OR10A6: variants seen among roughly 807,000 people sequenced by gnomAD.
The protein encoded by OR10A6 is olfactory receptor family 10 subfamily A member 6 (gene/pseudogene).
In OR10A6, 2 loss-of-function variants were observed where a neutral mutation model predicts 1.5. That is an observed-to-expected ratio of 1.31 (90% CI 0.54 to 4.13). The LOEUF (loss-of-function observed/expected upper bound fraction) is 4.13, where lower values mean the gene tolerates loss of function less well. Among genes scored for constraint, OR10A6 ranks in the 30% most tolerant of loss-of-function variants. OR10A6 has a pLI of 0.07. For synonymous variants in OR10A6, 169 were observed against 137.3 expected (o/e 1.23, Z -1.61); for missense variants, 492 against 368.6 (o/e 1.33, Z -2.74).
At position 7,928,775 on chromosome 11, in the gene OR10A6, G is replaced by A; in HGVS notation, c.-113C>T. ...ATTCACCCCAGAAATTCTGGCAGAA[G>A]ATGAGGAGCCTATCCTGACAGAAAT... is the stretch of plus-strand genomic sequence containing the variant. On this transcript the variant is annotated 5_prime_UTR_variant, in exon 4 of 4. Transcript: ENST00000641238. The A allele has an allele frequency of 1.5e-6, 1 of 652,916 alleles. No homozygotes were observed. 40.4% of individuals were successfully genotyped at this position (652,916 alleles called of 1,614,324 possible).
In OR10A6 at chr11:7,929,604, T is replaced by G. The variant is rs975984845; in HGVS notation, c.-942A>C. On this transcript the variant is annotated 5_prime_UTR_variant, in exon 4 of 4. Coordinates refer to ENST00000641238, the MANE Select transcript of OR10A6 (RefSeq NM_001004461.2). Reference sequence around the variant, plus strand: ...ATGAATCCAGAGCTCAACAGAGAGCTAAGCACACTACATAAAATAGCTTCT... The same window carrying G: ...ATGAATCCAGAGCTCAACAGAGAGCGAAGCACACTACATAAAATAGCTTCT... 1.3e-5 allele frequency: 2 copies of G among 151,278 alleles called. No individual in the cohort carries two copies. Among genetic ancestry groups the G allele is most frequent in the African/African-American group, 4.9e-5 (2 of 41,144 alleles). The allele number at this position is 151,278 out of a possible 1,614,324, so 9.4% of individuals were successfully genotyped here. A position where few individuals can be genotyped will look rare whatever the true frequency, so the allele number is the denominator to read the frequency against.
In OR10A6 at chr11:7,928,043, A is replaced by T. The variant is rs752192466; in HGVS notation, c.620T>A (p.Ile207Asn). 6.2e-7 allele frequency: 1 copy of T among 1,613,958 alleles called. No individual in the cohort carries two copies. Among genetic ancestry groups the T allele is most frequent in the South Asian group, 1.1e-5 (1 of 91,082 alleles). ...IYAFTGTFLI[I>N]LVPFLLILLS... ...GAGTATCAACAAGAAAGGAACCAAA[A>T]TAATCAAAAAGGTGCCTGTGAATGC... Residue 207 changes from isoleucine (I) to asparagine (N), a missense_variant, in exon 4 of 4, where the codon ATT becomes AAT. By Grantham distance (149) the Ile-to-Asn change is moderately radical. Transcript: ENST00000641238.
In OR10A6 at chr11:7,928,485, A is replaced by T; in HGVS notation, c.178T>A (p.Tyr60Asn). ...ACAGATAAGTTCAGGAGAAACAGGT[A>T]CATGGGAACGTGGAGGCTCTGGTCT... The part of the protein sequence containing the change: ...SLDQSLHVPM[Y>N]LFLLNLSVVD... The change falls in exon 4 of 4, where the codon TAC becomes AAC. Residue 60 changes from tyrosine to asparagine, a missense_variant. By Grantham distance (143) the Tyr-to-Asn change is moderately radical (BLOSUM62 -2). Transcript: ENST00000641238. 1 of 1,613,944 alleles carries T rather than the reference A, an allele frequency of 6.2e-7. No individual in the cohort carries two copies. Among genetic ancestry groups the T allele is most frequent in the Non-Finnish European group, 8.5e-7 (1 of 1,179,886 alleles).
chr11:7,925,399 T>C lies in OR10A6; in HGVS notation c.*2319A>G, dbSNP rs1422752506. 6.6e-6 allele frequency: 1 copy of C among 152,184 alleles called. No homozygotes were observed. The highest frequency in any genetic ancestry group is 6.5e-5 in the Admixed American group (1 of 15,270). 9.4% of individuals were successfully genotyped at this position (152,184 alleles called of 1,614,324 possible). A position where few individuals can be genotyped will look rare whatever the true frequency, so the allele number is the denominator to read the frequency against. On this transcript the variant is annotated 3_prime_UTR_variant, in exon 4 of 4. Coordinates refer to ENST00000641238, the MANE Select transcript of OR10A6 (RefSeq NM_001004461.2). The stretch of plus-strand genomic sequence containing the variant: ...AGAATTAGAGTGACCTAATTTCTTA[T>C]TGTAATTTCATGAACATCTTGCCAA...
rs1410600842 is a variant in OR10A6 at position 7,927,565 on chromosome 11, T to C, written c.*153A>G. 1 of 559,120 alleles carries C rather than the reference T, an allele frequency of 1.8e-6. No individual in the cohort carries two copies. Among genetic ancestry groups the C allele is most frequent in the South Asian group, 3.0e-5 (1 of 33,240 alleles). 34.6% of individuals were successfully genotyped at this position (559,120 alleles called of 1,614,324 possible). On this transcript the variant is annotated 3_prime_UTR_variant, in exon 4 of 4. Coordinates refer to ENST00000641238, the MANE Select transcript of OR10A6 (RefSeq NM_001004461.2). ...TGAAAAAACTAAAAACATTAACATA[T>C]AAAGATGCTCCTGATATACAATCAA...
At position 7,928,639 on chromosome 11, in the gene OR10A6, A is replaced by G. The variant is rs1239657166; in HGVS notation, c.24T>C (p.Cys8=). MERQNQS[C]VVEFILLGFS... Reference sequence around the variant, plus strand: ...AGCCCAAGAGGATGAATTCAACCACACAGCTTTGATTTTGTCTTTCCATTT... The same window carrying G: ...AGCCCAAGAGGATGAATTCAACCACGCAGCTTTGATTTTGTCTTTCCATTT... Residue 8 remains cysteine (C), a synonymous_variant, in exon 4 of 4, where the codon TGT becomes TGC. Coordinates refer to ENST00000641238, the MANE Select transcript of OR10A6 (RefSeq NM_001004461.2). 1 of 1,605,406 alleles carries G rather than the reference A, an allele frequency of 6.2e-7. No homozygotes were observed. Among genetic ancestry groups the G allele is most frequent in the East Asian group, 2.2e-5 (1 of 44,806 alleles).
In OR10A6 at chr11:7,928,608, T is replaced by C; in HGVS notation, c.55A>G (p.Asn19Asp). 1 of 1,609,938 alleles carries C rather than the reference T, an allele frequency of 6.2e-7. No homozygotes were observed. Among genetic ancestry groups the C allele is most frequent in the Admixed American group, 1.7e-5 (1 of 58,788 alleles). Residue 19 changes from asparagine to aspartate, a missense_variant, in exon 4 of 4, where the codon AAC becomes GAC. By Grantham distance (23) the Asn-to-Asp change is conservative (BLOSUM62 1). Coordinates refer to ENST00000641238, the MANE Select transcript of OR10A6 (RefSeq NM_001004461.2). ...VVEFILLGFS[N>D]YPELQGQLFV... ...AGCTGCCCCTGGAGCTCAGGATAGT[T>C]AGAAAAGCCCAAGAGGATGAATTCA...
chr11:7,929,755 T>TATATATATATATATATATATATACAC lies in OR10A6; in HGVS notation c.-1094_-1093insGTGTATATATATATATATATATATAT, dbSNP rs55811645. The TATATATATATATATATATATATACAC allele has an allele frequency of 1.5e-4, 15 of 97,218 alleles. No homozygotes were observed. Among genetic ancestry groups the TATATATATATATATATATATATACAC allele is most frequent in the South Asian group, 3.2e-4 (1 of 3,090 alleles). 6.0% of individuals were successfully genotyped at this position (97,218 alleles called of 1,614,324 possible). On this transcript the variant is annotated 5_prime_UTR_variant, in exon 4 of 4. The change abolishes the stop of an existing upstream ORF in the 5' untranslated region. Transcript: ENST00000641238. ...ATATATATATATATATATATATATATACACACACATGCACACATATATATA... is the reference window on the plus strand; with the variant it reads ...ATATATATATATATATATATATATATATATATATATATATATATATATACACACACACACATGCACACATATATATA...
chr11:7,928,535 G>A lies in OR10A6; in HGVS notation c.128C>T (p.Ala43Val). Residue 43 changes from alanine to valine, a missense_variant, in exon 4 of 4, where the codon GCC (alanine) becomes GTC (valine). Physicochemically the swap from Ala to Val is moderately conservative, Grantham distance 64. Coordinates refer to ENST00000641238, the MANE Select transcript of OR10A6 (RefSeq NM_001004461.2). ...VIYLVTLIGN[A>V]IIIVIVSLDQ... ...TAGGGAGACGATGACTATAATAATG[G>A]CATTTCCTATCAGGGTCACCAGATA... The A allele has an allele frequency of 6.2e-7, 1 of 1,613,604 alleles. No homozygotes were observed. Among genetic ancestry groups the A allele is most frequent in the Non-Finnish European group, 8.5e-7 (1 of 1,179,660 alleles).
In OR10A6 at chr11:7,928,137, G is replaced by T. The variant is rs1326342338; in HGVS notation, c.526C>A (p.His176Asn). 27 of 1,613,852 alleles carry T rather than the reference G, an allele frequency of 1.7e-5. No individual in the cohort carries two copies. The highest frequency in any genetic ancestry group is 2.3e-5 in the Non-Finnish European group (27 of 1,179,932). Residue 176 changes from histidine (H) to asparagine (N), a missense_variant, in exon 4 of 4, where the codon CAT (histidine) becomes AAT (asparagine). Transcript: ENST00000641238. ...ACTGCTGGGGTTTCACAAGATATAT[G>T]GTTAATTTCATTAAGGCCACAAAAG... Reference protein sequence around the residue: ...FPFCGLNEINHISCETPAVLE... With the variant: ...FPFCGLNEINNISCETPAVLE...
chr11:7,931,016 G>A lies in OR10A6; in HGVS notation c.-1909-3C>T, dbSNP rs552217126. On this transcript the variant is annotated splice_region_variant and splice_polypyrimidine_tract_variant and intron_variant, in intron 1 of 3. Coordinates refer to ENST00000641238, the MANE Select transcript of OR10A6 (RefSeq NM_001004461.2). Reference sequence around the variant, plus strand: ...CTACTTATTGCCCGAACCTTTCTCTGAAAAGAAAAAGAAATTGACTGGCAT... The same window carrying A: ...CTACTTATTGCCCGAACCTTTCTCTAAAAAGAAAAAGAAATTGACTGGCAT... The A allele has an allele frequency of 6.6e-6, 1 of 152,186 alleles. No individual in the cohort carries two copies. Among genetic ancestry groups the A allele is most frequent in the East Asian group, 1.9e-4 (1 of 5,176 alleles). The allele number at this position is 152,186 out of a possible 1,614,324, so 9.4% of individuals were successfully genotyped here. A position where few individuals can be genotyped will look rare whatever the true frequency, so the allele number is the denominator to read the frequency against.
chr11:7,930,804 T>C (rs899002822), intron 3 of OR10A6, 57 bp downstream of exon 3: 12 of 152,182 alleles, frequency 7.9e-5, no homozygotes, highest in Admixed American at 6.6e-4. Flanking sequence ...AGAAAATCTT[T>C]ATACCTTAGA....
Position 7,928,866 on chromosome 11 carries a change from T to A in OR10A6, c.-204A>T, listed in dbSNP as rs1401980066. 1 of 408,420 alleles carries A rather than the reference T, an allele frequency of 2.4e-6. No individual in the cohort carries two copies. The highest frequency in any genetic ancestry group is 2.1e-5 in the African/African-American group (1 of 48,632). 25.3% of individuals were successfully genotyped at this position (408,420 alleles called of 1,614,324 possible). ...ATATTCCAAATATAAAAAATAGAAA[T>A]GAAGAATTCTGGCTCAGAGATCTTG... On this transcript the variant is annotated 5_prime_UTR_variant, in exon 4 of 4. Transcript: ENST00000641238.
rs191380992 is a variant in OR10A6 at position 7,927,478 on chromosome 11, C to T, written c.*240G>A. ...GACAAAAAAATAACCATCAGTAGGG[C>T]TACTACTAAACAAATTGTTGAAATT... On this transcript the variant is annotated 3_prime_UTR_variant, in exon 4 of 4. Transcript: ENST00000641238. 95 of 404,976 alleles carry T rather than the reference C, an allele frequency of 2.3e-4. 1 individual carries two copies. The highest frequency in any genetic ancestry group is 1.2e-4 in the Non-Finnish European group (27 of 229,436). 25.1% of individuals were successfully genotyped at this position (404,976 alleles called of 1,614,324 possible). A position where few individuals can be genotyped will look rare whatever the true frequency, so the allele number is the denominator to read the frequency against.
rs1859401637 is a variant in OR10A6 at position 7,926,424 on chromosome 11, T to G, written c.*1294A>C. On this transcript the variant is annotated 3_prime_UTR_variant, in exon 4 of 4. Transcript: ENST00000641238. ...AGGGGTCCCCAGCTTCCAAAGTGAC[T>G]GAGAAGAAAAGTCCTGCATCATTAC... is the stretch of plus-strand genomic sequence containing the variant. The G allele has an allele frequency of 6.6e-6, 1 of 152,218 alleles. No individual in the cohort carries two copies. The highest frequency in any genetic ancestry group is 2.1e-4 in the South Asian group (1 of 4,836). 9.4% of individuals were successfully genotyped at this position (152,218 alleles called of 1,614,324 possible).
chr11:7,928,518 C>G lies in OR10A6; in HGVS notation c.145G>C (p.Val49Leu), dbSNP rs201131139. 6.2e-7 allele frequency: 1 copy of G among 1,613,718 alleles called. No homozygotes were observed. ...ACGTGGAGGCTCTGGTCTAGGGAGA[C>G]GATGACTATAATAATGGCATTTCCT... ...LIGNAIIIVI[V>L]SLDQSLHVPM... Residue 49 changes from valine (V) to leucine (L), a missense_variant, in exon 4 of 4, where the codon GTC becomes CTC. Transcript: ENST00000641238.
At position 7,928,018 on chromosome 11, in the gene OR10A6, G is replaced by C. The variant is rs747050879; in HGVS notation, c.645C>G (p.Leu215=). ...CAAACAGAACTCGAATGTAAGACAA[G>C]AGTATCAACAAGAAAGGAACCAAAA... ...LIILVPFLLI[L]LSYIRVLFAI... The change falls in exon 4 of 4, where the codon CTC becomes CTG. Residue 215 remains leucine (L), a synonymous_variant. Coordinates refer to ENST00000641238, the MANE Select transcript of OR10A6 (RefSeq NM_001004461.2). The C allele has an allele frequency of 6.8e-6, 11 of 1,613,978 alleles. No homozygotes were observed. Among genetic ancestry groups the C allele is most frequent in the Non-Finnish European group, 9.3e-6 (11 of 1,179,976 alleles).
At position 7,928,022 on chromosome 11, in the gene OR10A6, A is replaced by G. The variant is rs769200488; in HGVS notation, c.641T>C (p.Ile214Thr). 1.4e-5 allele frequency: 23 copies of G among 1,613,920 alleles called. No individual in the cohort carries two copies. The East Asian group carries it at 4.9e-4, about 34-fold the overall frequency. Residue 214 changes from isoleucine (I) to threonine (T), a missense_variant, in exon 4 of 4, where the codon ATA becomes ACA. Ile to Thr is a moderately conservative substitution (Grantham distance 89, BLOSUM62 -1). Coordinates refer to ENST00000641238, the MANE Select transcript of OR10A6 (RefSeq NM_001004461.2). Reference protein sequence around the residue: ...FLIILVPFLLILLSYIRVLFA... With the variant: ...FLIILVPFLLTLLSYIRVLFA... ...CAGAACTCGAATGTAAGACAAGAGT[A>G]TCAACAAGAAAGGAACCAAAATAAT...
rs1859427615 is a variant in OR10A6 at position 7,927,475 on chromosome 11, G to C, written c.*243C>G. The C allele has an allele frequency of 7.7e-6, 3 of 387,322 alleles. No individual in the cohort carries two copies. In the East Asian group the frequency reaches 1.1e-4, roughly 14 times the overall value. The allele number at this position is 387,322 out of a possible 1,614,324, so 24.0% of individuals were successfully genotyped here. A position where few individuals can be genotyped will look rare whatever the true frequency, so the allele number is the denominator to read the frequency against. ...TGTGACAAAAAAATAACCATCAGTAGGGCTACTACTAAACAAATTGTTGAA... is the reference window on the plus strand; with the variant it reads ...TGTGACAAAAAAATAACCATCAGTACGGCTACTACTAAACAAATTGTTGAA... On this transcript the variant is annotated 3_prime_UTR_variant, in exon 4 of 4. Coordinates refer to ENST00000641238, the MANE Select transcript of OR10A6 (RefSeq NM_001004461.2).
Sources: gnomAD v4.1 joint callset for allele counts on GRCh38, gnomAD v4.1.1 for gene constraint, MANE v1.5 for transcripts, NCBI Gene and HGNC (gene_info 2026-07-23, HGNC 2026-07-21) for gene names.